LYRM4: variants seen among roughly 807,000 people sequenced by gnomAD.
The protein encoded by LYRM4 is LYR motif containing 4.
Under a neutral mutation model 11.7 loss-of-function variants are expected in LYRM4, and 9 were observed. That is an observed-to-expected ratio of 0.77 (90% CI 0.46 to 1.34). The LOEUF (loss-of-function observed/expected upper bound fraction) is 1.34. Among genes scored for constraint, LYRM4 ranks in the 40% most tolerant of loss-of-function variants. The probability of loss-of-function intolerance (pLI) is 0.00; values close to 1 mark genes in which losing one functional copy is unlikely to be tolerated. For missense variants in LYRM4, 133 were observed against 112.5 expected, an observed-to-expected ratio of 1.18 and a Z score of -0.82; for synonymous variants, 42 against 40.4, an observed-to-expected ratio of 1.04 and a Z score of -0.15.
At chr6:5,156,090 A>C (rs575575698) in intron 2 of LYRM4, among the ~76,000 whole-genome samples, 23 of 152,376 alleles carry the variant, frequency 1.5e-4, no homozygotes, top group Admixed American at 2.6e-4. Flanking sequence ...GTTTGCCAAA[A>C]TAGGAGGCAA....
At chr6:5,218,374 T>G in intron 1 of LYRM4, 1 of 985,094 alleles carries the variant, frequency 1.0e-6, no homozygotes. Context: ...GGAGGGGGTG[T>G]TGGGAGCTCA....
intron 2 of LYRM4, among the ~76,000 whole-genome samples, chr6:5,119,351 C>T (rs191565503): frequency 2.0e-5 from 3 of 152,306 alleles, no homozygotes; most frequent in African/African-American, 7.2e-5. Flanking sequence ...CAGTCCACAT[C>T]CACTGTCCCT....
chr6:5,176,157 C>A (rs939323618), intron 2 of LYRM4, among the ~76,000 whole-genome samples: 2 of 151,892 alleles, frequency 1.3e-5, no homozygotes, highest in Non-Finnish European at 2.9e-5. Context: ...CTCTGCCTCC[C>A]GGGTTCAAAC....
chr6:5,135,094 A>G (rs111806223), intron 2 of LYRM4, among the ~76,000 whole-genome samples: 387 of 3,982 alleles, frequency 0.097, 38 homozygotes, highest in East Asian at 0.21. Flanking sequence ...CACTCCCGGG[A>G]CTGTGGAGGG....
At chr6:5,255,964 G>C (rs1162482133) in intron 1 of LYRM4, among the ~76,000 whole-genome samples, 1 of 151,970 alleles carries the variant, frequency 6.6e-6, no homozygotes, top group Non-Finnish European at 1.5e-5. Flanking sequence ...CACTTATCAA[G>C]TACCTATTCT....
chr6:5,048,290 G>GTT, the LYRM4 span, among the ~76,000 whole-genome samples: 2 of 139,966 alleles, frequency 1.4e-5, no homozygotes, highest in Non-Finnish European at 3.1e-5. Context: ...GACACTTTGT[G>GTT]GTGTGTGTGT....
the LYRM4 span, among the ~76,000 whole-genome samples, chr6:5,065,373 A>G: frequency 6.6e-6 from 1 of 152,124 alleles, no homozygotes; most frequent in Non-Finnish European, 1.5e-5. Context: ...TAAAATTTAA[A>G]CAATTTCATT....
intron 2 of LYRM4, among the ~76,000 whole-genome samples, chr6:5,182,480 T>G (rs768995949): frequency 6.6e-6 from 1 of 152,244 alleles, no homozygotes; most frequent in Non-Finnish European, 1.5e-5. Context: ...TTTTAAAGTT[T>G]CATTTATTAG....
At chr6:5,114,524 A>G (rs1056243086) in intron 2 of LYRM4, among the ~76,000 whole-genome samples, 5 of 152,198 alleles carry the variant, frequency 3.3e-5, no homozygotes, top group African/African-American at 1.2e-4. Context: ...GCAAGTGGAA[A>G]AAATGTCCCT....
At chr6:5,218,333 G>A (rs1762394592) in intron 1 of LYRM4, 14 of 984,822 alleles carry the variant, frequency 1.4e-5, no homozygotes, top group African/African-American at 1.7e-5. Context: ...GAAATGAGAG[G>A]AGGGGATATA....
At chr6:5,154,198 T>A (rs575739005) in intron 2 of LYRM4, among the ~76,000 whole-genome samples, 1 of 152,318 alleles carries the variant, frequency 6.6e-6, no homozygotes, top group African/African-American at 2.4e-5. Flanking sequence ...ATCAGAAACA[T>A]TGATTTCATT....
intron 2 of LYRM4, among the ~76,000 whole-genome samples, chr6:5,127,346 A>G (rs773439651): frequency 8.5e-5 from 13 of 152,174 alleles, no homozygotes; most frequent in Non-Finnish European, 1.3e-4. Flanking sequence ...CGGCCTCCCA[A>G]TGCGCTGCGA....
chr6:5,145,391 C>G (rs1757662606), intron 2 of LYRM4, among the ~76,000 whole-genome samples: 1 of 152,194 alleles, frequency 6.6e-6, no homozygotes, highest in Non-Finnish European at 1.5e-5. Context: ...GAAGTCGGCA[C>G]CAGTATTGTT....
the LYRM4 span, among the ~76,000 whole-genome samples, chr6:5,095,616 C>T: frequency 1.2e-4 from 18 of 152,278 alleles, no homozygotes; most frequent in South Asian, 3.1e-3. Context: ...AACCTTTAGG[C>T]CACACTTAAA....
chr6:5,232,996 C>T (rs1763330452), intron 1 of LYRM4, among the ~76,000 whole-genome samples: 1 of 152,170 alleles, frequency 6.6e-6, no homozygotes, highest in African/African-American at 2.4e-5. Context: ...CATTAAAGGC[C>T]ACAATAGTGT....
chr6:5,120,524 AG>A (rs1352517701), intron 2 of LYRM4, among the ~76,000 whole-genome samples: 5 of 152,202 alleles, frequency 3.3e-5, no homozygotes, highest in Admixed American at 3.3e-4. Flanking sequence ...TGGAGAGCGA[AG>A]GAACAAAGTC....
chr6:5,068,311 G>T, the LYRM4 span, among the ~76,000 whole-genome samples: 1 of 152,232 alleles, frequency 6.6e-6, no homozygotes, highest in Non-Finnish European at 1.5e-5. This position sits in a 1 kb window ranked among gnomAD's most constrained non-coding sequence, Gnocchi z 4.0. Flanking sequence ...TCCTGCAGCA[G>T]CCAGCCAGAC....
intron 2 of LYRM4, chr6:5,136,146 G>T: frequency 3.2e-6 from 1 of 313,040 alleles, no homozygotes; most frequent in Non-Finnish European, 4.6e-6. Context: ...TCATCCAGGC[G>T]TCTGTTGAGG....
At chr6:5,253,203 G>T (rs1255684677) in intron 1 of LYRM4, among the ~76,000 whole-genome samples, 2 of 152,102 alleles carry the variant, frequency 1.3e-5, no homozygotes, top group Non-Finnish European at 2.9e-5. Flanking sequence ...GTATGCATTT[G>T]GGCATCACTT....
Sources: allele counts gnomAD v4.1 joint callset (sites outside exome capture counted in the v4.1 genomes callset), GRCh38; gene constraint gnomAD v4.1.1; non-coding constraint Gnocchi (gnomAD v3.1); transcripts MANE v1.5; gene names NCBI Gene and HGNC (gene_info 2026-07-23, HGNC 2026-07-21).